HMCN2: variants seen among roughly 807,000 people sequenced by gnomAD.
HMCN2 encodes hemicentin-2.
In HMCN2, 325 loss-of-function variants were observed where a neutral mutation model predicts 377.5. The observed-to-expected ratio is 0.86, with a 90% confidence interval of 0.79 to 0.94. The LOEUF (loss-of-function observed/expected upper bound fraction) is 0.94, where lower values mean the gene tolerates loss of function less well. HMCN2 is among the 40% of genes least tolerant of loss of function. The probability of loss-of-function intolerance (pLI) is 0.00; values close to 1 mark genes in which losing one functional copy is unlikely to be tolerated. For missense variants in HMCN2, 4,543 were observed against 4,725.3 expected, an observed-to-expected ratio of 0.96 and a Z score of 1.13; for synonymous variants, 2,007 against 2,046.8, an observed-to-expected ratio of 0.98 and a Z score of 0.53.
intron 85 of HMCN2, among the ~76,000 whole-genome samples, chr9:130,412,942 T>G (rs1004017592): frequency 1.3e-5 from 2 of 152,162 alleles, no homozygotes; most frequent in Non-Finnish European, 2.9e-5. Context: ...GAGTTAATCT[T>G]TGTGTGGGGT....
At chr9:130,266,682 C>A (rs782478910) in intron 1 of HMCN2, among the ~76,000 whole-genome samples, 2 of 152,240 alleles carry the variant, frequency 1.3e-5, no homozygotes, top group Admixed American at 1.3e-4. Flanking sequence ...TGTCCCCTCG[C>A]CTGTCTTCCC....
chr9:130,401,193 A>G (rs906179510), intron 77 of HMCN2, among the ~76,000 whole-genome samples: 2 of 152,212 alleles, frequency 1.3e-5, no homozygotes, highest in Non-Finnish European at 2.9e-5. Context: ...ATTTCATGGC[A>G]AAATAAGAAA....
At chr9:130,280,193 G>A (rs1328272329) in intron 1 of HMCN2, among the ~76,000 whole-genome samples, 3 of 134,432 alleles carry the variant, frequency 2.2e-5, no homozygotes, top group African/African-American at 5.6e-5. Context: ...ACGGAGTCTT[G>A]CTCTGTCACC....
chr9:130,420,295 C>T (rs1015865598), intron 86 of HMCN2, among the ~76,000 whole-genome samples: 1 of 151,876 alleles, frequency 6.6e-6, no homozygotes, highest in Non-Finnish European at 1.5e-5. Flanking sequence ...AGGATGGTGT[C>T]TATCTCCTGA....
rs540934382 is a variant in HMCN2 at position 130,356,293 on chromosome 9, G to C, written c.5425+36G>C. On this transcript the variant is annotated intron_variant, in intron 34 of 97. Transcript: ENST00000683500. Reference sequence around the variant, plus strand: ...GCCTGGGGTTCTGGAGCTGTGGGCAGCCTGAGATGCCAGGGGTGGGTGGAG... The same window carrying C: ...GCCTGGGGTTCTGGAGCTGTGGGCACCCTGAGATGCCAGGGGTGGGTGGAG... 3 of 1,267,008 alleles carry C rather than the reference G, an allele frequency of 2.4e-6. No homozygotes were observed. The East Asian group carries it at 1.7e-4, about 72-fold the overall frequency. The allele number at this position is 1,267,008 out of a possible 1,614,324, so 78.5% of individuals were successfully genotyped here.
intron 1 of HMCN2, among the ~76,000 whole-genome samples, chr9:130,276,602 CT>C (rs1310711754): frequency 6.6e-6 from 1 of 152,176 alleles, no homozygotes; most frequent in Non-Finnish European, 1.5e-5. Context: ...GCTTGCTGGA[CT>C]CCTGGACACT....
At chr9:130,266,198 C>CG in intron 1 of HMCN2, 61 bp downstream of exon 1, 1 of 328,492 alleles carries the variant, frequency 3.0e-6, no homozygotes, top group East Asian at 1.2e-4. Flanking sequence ...ACCTGCCTGA[C>CG]CCCCTCAGTT....
chr9:130,432,392 C>A, intron 96 of HMCN2, 37 bp from the exon 97 acceptor site: 1 of 1,550,254 alleles, frequency 6.5e-7, no homozygotes, highest in Non-Finnish European at 8.7e-7. Context: ...TCCATCTTTT[C>A]ATCTCCCTCC....
Position 130,296,694 on chromosome 9 carries a change from T to C in HMCN2, c.912T>C (p.His304=), listed in dbSNP as rs1362453567. The C allele has an allele frequency of 2.1e-6, 1 of 470,958 alleles. No homozygotes were observed. Among genetic ancestry groups the C allele is most frequent in the Non-Finnish European group, 4.4e-6 (1 of 227,048 alleles). The allele number at this position is 470,958 out of a possible 1,614,324, so 29.2% of individuals were successfully genotyped here. The change falls in exon 7 of 98, where the codon CAT becomes CAC. Residue 304 remains histidine (H), a synonymous_variant. Coordinates refer to ENST00000683500, the MANE Select transcript of HMCN2 (RefSeq NM_001291815.2). The part of the protein sequence containing the change: ...WSIKVYSSGR[H]SVRITGVSNI... ...GCTAGGTCTATAGCAGTGGCCGCCA[T>C]TCAGTGAGGATCACAGGCGTCAGCA...
intron 4 of HMCN2, among the ~76,000 whole-genome samples, chr9:130,292,042 A>G (rs1331360238): frequency 2.9e-5 from 4 of 138,260 alleles, no homozygotes; most frequent in South Asian, 2.3e-4. Context: ...TTAATCCCCT[A>G]TGTTTCCCTC....
intron 28 of HMCN2, 109 bp downstream of exon 28, chr9:130,349,240 G>A (rs1212776875): frequency 6.2e-6 from 7 of 1,123,098 alleles, no homozygotes; most frequent in African/African-American, 1.6e-5. Flanking sequence ...AGAGCAGGGG[G>A]CACAGAGGGA....
At chr9:130,407,015 C>G (rs1240068578) in intron 82 of HMCN2, 1 of 153,128 alleles carries the variant, frequency 6.5e-6, no homozygotes, top group Non-Finnish European at 1.5e-5. Context: ...CTTTGGGAGG[C>G]CAAGGCAGGT....
At position 130,369,028 on chromosome 9, in the gene HMCN2, G is replaced by A. The variant is rs1038266000; in HGVS notation, c.6788-542G>A. On this transcript the variant is annotated intron_variant, in intron 44 of 97. Transcript: ENST00000683500. The surrounding 1 kb of genome is among the most constrained non-coding windows in gnomAD (Gnocchi z 4.5). Reference sequence around the variant, plus strand: ...GTGGGGGCAGCAGCACAGTCCCTAAGGGCCCCCCAGTGGTCCAGAGGAGAA... The same window carrying A: ...GTGGGGGCAGCAGCACAGTCCCTAAAGGCCCCCCAGTGGTCCAGAGGAGAA... Among the ~76,000 whole-genome samples the A allele has an allele frequency of 1.3e-5, 2 of 152,150 alleles. No individual in the cohort carries two copies. The highest frequency in any genetic ancestry group is 4.8e-5 in the African/African-American group (2 of 41,426).
chr9:130,370,876 T>C (rs1288775335), intron 45 of HMCN2, 88 bp from the exon 46 acceptor site: 25 of 819,604 alleles, frequency 3.1e-5, no homozygotes, highest in Non-Finnish European at 3.7e-5. Context: ...TTGGGTGGAG[T>C]TGGGGGGCAG....
intron 15 of HMCN2, among the ~76,000 whole-genome samples, chr9:130,311,975 C>T (rs1470508338): frequency 4.6e-5 from 7 of 152,268 alleles, no homozygotes; most frequent in East Asian, 1.9e-4. Context: ...AAACACGAGC[C>T]GGCGCTTCTA....
Position 130,431,552 on chromosome 9 carries a change from A to C in HMCN2, c.14767+66A>C, listed in dbSNP as rs930225431. The C allele has an allele frequency of 5.1e-5, 77 of 1,521,576 alleles. 1 individual carries two copies. Among genetic ancestry groups the C allele is most frequent in the Admixed American group, 2.0e-4 (10 of 50,134 alleles). The allele number at this position is 1,521,576 out of a possible 1,614,324, so 94.3% of individuals were successfully genotyped here. A position where few individuals can be genotyped will look rare whatever the true frequency, so the allele number is the denominator to read the frequency against. On this transcript the variant is annotated intron_variant, in intron 96 of 97. Transcript: ENST00000683500. ...TAGGGCAGGCAGCGTGGGATGGGAC[A>C]TGTGGCATCTTACCTACTCCGTTCA... is the stretch of plus-strand genomic sequence containing the variant.
chr9:130,397,925 A>G (rs1175629868), intron 74 of HMCN2, among the ~76,000 whole-genome samples: 1 of 152,028 alleles, frequency 6.6e-6, no homozygotes, highest in African/African-American at 2.4e-5. Context: ...AGGCAGGAGG[A>G]TCACTTGATC....
At chr9:130,345,187 T>C (rs1389853907) in intron 25 of HMCN2, among the ~76,000 whole-genome samples, 2 of 148,358 alleles carry the variant, frequency 1.3e-5, no homozygotes, top group African/African-American at 5.0e-5. Flanking sequence ...GTGGTGTGTG[T>C]AGTGTGGTTT....
chr9:130,386,578 A>G lies in HMCN2; in HGVS notation c.9391+54A>G, dbSNP rs1293267182. On this transcript the variant is annotated intron_variant, in intron 61 of 97. Transcript: ENST00000683500. The stretch of plus-strand genomic sequence containing the variant: ...GACTGTGGAGCCCCTAGCAACACCC[A>G]GGGCTGCCAAGGAGGACAAAGACAA... 7.7e-6 allele frequency: 9 copies of G among 1,169,748 alleles called. No homozygotes were observed. In the East Asian group the frequency reaches 4.6e-4, roughly 60 times the overall value. 72.5% of individuals were successfully genotyped at this position (1,169,748 alleles called of 1,614,324 possible). A position where few individuals can be genotyped will look rare whatever the true frequency, so the allele number is the denominator to read the frequency against.
Sources: gnomAD v4.1 joint callset for allele counts (sites outside exome capture counted in the v4.1 genomes callset) on GRCh38, gnomAD v4.1.1 for gene constraint, Gnocchi (gnomAD v3.1) non-coding constraint, MANE v1.5 for transcripts, NCBI Gene and HGNC (gene_info 2026-07-23, HGNC 2026-07-21) for gene names.